The following MACROD2 variants were observed in gnomAD, a reference collection of about 807,000 sequenced individuals.
MACROD2 encodes mono-ADP ribosylhydrolase 2, also known as ADP-ribose glycohydrolase MACROD2.
Under a neutral mutation model 70.4 loss-of-function variants are expected in MACROD2, and 36 were observed. That is an observed-to-expected ratio of 0.51 (90% CI 0.39 to 0.68). The LOEUF (loss-of-function observed/expected upper bound fraction) is 0.68. Among genes scored for constraint, MACROD2 ranks in the 30% least tolerant of loss-of-function variants. The pLI is 0.00. For missense variants in MACROD2, 496 were observed against 538.4 expected (o/e 0.92, Z 0.78); for synonymous variants, 172 against 178.8 (o/e 0.96, Z 0.30).
At chr20:15,430,378 T>C (rs896585887) in intron 6 of MACROD2, among the ~76,000 whole-genome samples, 1 of 152,070 alleles carries the variant, frequency 6.6e-6, no homozygotes, top group African/African-American at 2.4e-5. Flanking sequence ...CTGTTTTCTG[T>C]AGAGGTTGTA....
At chr20:15,453,341 C>A (rs900422313) in intron 7 of MACROD2, among the ~76,000 whole-genome samples, 3 of 152,086 alleles carry the variant, frequency 2.0e-5, no homozygotes, top group Non-Finnish European at 2.9e-5. Context: ...CTCCCTCCCT[C>A]CCCCTCCAAC....
In MACROD2 at chr20:14,800,148, G is replaced by GT. The variant is rs555979251; in HGVS notation, c.418+115201dup. 6.8e-3 allele frequency among the ~76,000 whole-genome samples: 999 copies of GT among 145,992 alleles called. 4 individuals are homozygous for GT. The highest frequency in any genetic ancestry group is 0.033 in the East Asian group (166 of 4,956). The stretch of plus-strand genomic sequence containing the variant: ...TAATTTCTTGATTTCTATGACTTCA[G>GT]TTTTTTTTTTTTCCTGCTCCATTTT... On this transcript the variant is annotated intron_variant, in intron 5 of 17. Transcript: ENST00000684519.
chr20:15,741,939 G>GTTGATTGAT (rs1672596598), intron 8 of MACROD2, among the ~76,000 whole-genome samples: 1 of 152,110 alleles, frequency 6.6e-6, no homozygotes, highest in African/African-American at 2.4e-5. Context: ...TGATTGACTG[G>GTTGATTGAT]TTGATTGATT....
chr20:14,479,655 C>T (rs1315946906), intron 3 of MACROD2, among the ~76,000 whole-genome samples: 3 of 152,072 alleles, frequency 2.0e-5, no homozygotes, highest in African/African-American at 7.2e-5. Flanking sequence ...TTGTATTTAG[C>T]AGGAGTGGGT....
intron 5 of MACROD2, among the ~76,000 whole-genome samples, chr20:14,865,239 A>G (rs2073415601): frequency 1.3e-5 from 2 of 152,114 alleles, no homozygotes; most frequent in African/African-American, 4.8e-5. Flanking sequence ...CTCTGCCTCC[A>G]TGATGCTATC....
intron 6 of MACROD2, among the ~76,000 whole-genome samples, chr20:15,422,514 C>T (rs2046243343): frequency 1.3e-5 from 2 of 152,102 alleles, no homozygotes; most frequent in Admixed American, 6.6e-5. Context: ...CTTTTCTCTT[C>T]TCCATGTTTA....
chr20:15,612,275 C>G (rs760057326), intron 8 of MACROD2, among the ~76,000 whole-genome samples: 68 of 152,224 alleles, frequency 4.5e-4, no homozygotes, highest in Admixed American at 8.5e-4. Flanking sequence ...TTGTCTTGTC[C>G]CCAAGACTTT....
chr20:15,084,625 G>C (rs1042519094), intron 5 of MACROD2, among the ~76,000 whole-genome samples: 2 of 152,110 alleles, frequency 1.3e-5, no homozygotes, highest in African/African-American at 4.8e-5. Flanking sequence ...GGAGATTAGA[G>C]GTTACTATGA....
chr20:14,211,854 A>G (rs1391353727), intron 3 of MACROD2, among the ~76,000 whole-genome samples: 1 of 152,136 alleles, frequency 6.6e-6, no homozygotes, highest in Non-Finnish European at 1.5e-5. Context: ...AGAGGTGGTA[A>G]TAGTCACTAC....
chr20:15,306,320 TG>T (rs1262801072), intron 6 of MACROD2, among the ~76,000 whole-genome samples: 19 of 152,238 alleles, frequency 1.2e-4, no homozygotes, highest in African/African-American at 3.9e-4. Context: ...GACTTAATAT[TG>T]GCTACCCTTT....
At chr20:15,833,415 T>A (rs946832781) in intron 8 of MACROD2, among the ~76,000 whole-genome samples, 10 of 152,294 alleles carry the variant, frequency 6.6e-5, no homozygotes, top group African/African-American at 2.4e-4. Context: ...AGTTTTTATG[T>A]GTGGAAATGT....
At chr20:14,730,101 G>A (rs1600597114) in intron 5 of MACROD2, among the ~76,000 whole-genome samples, 2 of 152,086 alleles carry the variant, frequency 1.3e-5, no homozygotes, top group South Asian at 4.1e-4. Flanking sequence ...AGTCAAAGAG[G>A]TAGAAAATAT....
chr20:14,676,066 C>T (rs183406071), intron 4 of MACROD2, among the ~76,000 whole-genome samples: 5 of 152,216 alleles, frequency 3.3e-5, no homozygotes, highest in African/African-American at 4.8e-5. Flanking sequence ...TAGAGACCTA[C>T]AAAGAGACTT....
chr20:15,161,683 A>G (rs1695307374), intron 5 of MACROD2, among the ~76,000 whole-genome samples: 1 of 151,974 alleles, frequency 6.6e-6, no homozygotes, highest in African/African-American at 2.4e-5. Flanking sequence ...TTTACATTTT[A>G]TTTTCTCAAG....
chr20:15,593,537 G>T (rs942020946), intron 8 of MACROD2, among the ~76,000 whole-genome samples: 2 of 152,114 alleles, frequency 1.3e-5, no homozygotes, highest in African/African-American at 2.4e-5. Flanking sequence ...AATAGTCCCC[G>T]TGTTAACCCT....
chr20:14,761,690 CT>C (rs543395481), intron 5 of MACROD2, among the ~76,000 whole-genome samples: 35 of 152,172 alleles, frequency 2.3e-4, no homozygotes, highest in South Asian at 6.2e-4. Flanking sequence ...TCTCTGACTG[CT>C]TTTTTAAGGC....
At chr20:14,302,339 A>G (rs932102617) in intron 3 of MACROD2, among the ~76,000 whole-genome samples, 4 of 152,240 alleles carry the variant, frequency 2.6e-5, no homozygotes, top group African/African-American at 9.6e-5. Flanking sequence ...AAAGGCAGCA[A>G]TGACTTATTA....
intron 7 of MACROD2, among the ~76,000 whole-genome samples, chr20:15,442,986 C>T (rs374448310): frequency 3.3e-5 from 5 of 152,090 alleles, no homozygotes; most frequent in South Asian, 2.1e-4. Context: ...TTAGACCTCA[C>T]CTCAATTGTT....
At chr20:14,302,903 C>T (rs550601980) in intron 3 of MACROD2, among the ~76,000 whole-genome samples, 2 of 152,240 alleles carry the variant, frequency 1.3e-5, no homozygotes, top group Admixed American at 1.3e-4. Flanking sequence ...CCACCCGCCT[C>T]GGACTCCCCA....
Sources: gnomAD v4.1 joint callset for allele counts (sites outside exome capture counted in the v4.1 genomes callset) on GRCh38, gnomAD v4.1.1 for gene constraint, MANE v1.5 for transcripts, NCBI Gene and HGNC (gene_info 2026-07-23, HGNC 2026-07-21) for gene names.